The following PDGFC variants were observed in gnomAD, a reference collection of about 807,000 sequenced individuals.
PDGFC encodes platelet-derived growth factor C.
A neutral mutation model predicts 35.5 loss-of-function variants in PDGFC; 12 were observed. That is an observed-to-expected ratio of 0.34 (90% CI 0.22 to 0.55). The LOEUF is 0.55. PDGFC is among the 20% of genes least tolerant of loss of function. PDGFC has a pLI of 0.91. For synonymous variants in PDGFC, 159 were observed against 148.8 expected (o/e 1.07, Z -0.50); for missense variants, 322 against 412.4 (o/e 0.78, Z 1.90).
At chr4:156,803,742 T>A (rs189214034) in intron 3 of PDGFC, among the ~76,000 whole-genome samples, 1 of 152,262 alleles carries the variant, frequency 6.6e-6, no homozygotes, top group Admixed American at 6.5e-5. Context: ...AAATTAAAAT[T>A]AAATGTAAAA....
chr4:156,928,661 C>T (rs746623120), intron 1 of PDGFC, among the ~76,000 whole-genome samples: 5 of 152,166 alleles, frequency 3.3e-5, no homozygotes, highest in African/African-American at 4.8e-5. Flanking sequence ...CCAGAAATCC[C>T]TGAATTTAAA....
intron 1 of PDGFC, among the ~76,000 whole-genome samples, chr4:156,958,108 T>A (rs181763987): frequency 2.3e-4 from 35 of 152,124 alleles, no homozygotes; most frequent in Admixed American, 1.4e-3. Flanking sequence ...TATTCTCTAA[T>A]ATACCTAACT....
chr4:156,821,151 A>G (rs986174944), intron 2 of PDGFC, among the ~76,000 whole-genome samples: 1 of 151,022 alleles, frequency 6.6e-6, no homozygotes, highest in African/African-American at 2.5e-5. Flanking sequence ...AGACATCCCA[A>G]GGAATGTTGC....
At chr4:156,834,740 A>C (rs1253177173) in intron 2 of PDGFC, among the ~76,000 whole-genome samples, 6 of 152,162 alleles carry the variant, frequency 3.9e-5, no homozygotes, top group Non-Finnish European at 7.4e-5. Context: ...AACAGCTAAG[A>C]GGAATAACTG....
intron 1 of PDGFC, among the ~76,000 whole-genome samples, chr4:156,934,374 G>T (rs992458451): frequency 6.6e-6 from 1 of 152,098 alleles, no homozygotes; most frequent in African/African-American, 2.4e-5. Flanking sequence ...CAATATAAAA[G>T]ATTTAAAATG....
intron 1 of PDGFC, chr4:156,861,450 C>A: frequency 8.0e-7 from 1 of 1,256,292 alleles, no homozygotes; most frequent in Non-Finnish European, 1.0e-6. Flanking sequence ...TCTTTCTCCT[C>A]TTTTCTATGC....
At chr4:156,811,824 C>T (rs1206992706) in intron 2 of PDGFC, among the ~76,000 whole-genome samples, 1 of 152,022 alleles carries the variant, frequency 6.6e-6, no homozygotes, top group African/African-American at 2.4e-5. Flanking sequence ...TCTGTGGGAA[C>T]ATTTTAGGTT....
chr4:156,838,370 G>A (rs1191064700), intron 2 of PDGFC, among the ~76,000 whole-genome samples: 1 of 152,196 alleles, frequency 6.6e-6, no homozygotes, highest in African/African-American at 2.4e-5. Flanking sequence ...CCTAGTTCCT[G>A]CTATGGCAAT....
At chr4:156,909,896 T>C (rs1041850188) in intron 1 of PDGFC, among the ~76,000 whole-genome samples, 12 of 152,120 alleles carry the variant, frequency 7.9e-5, no homozygotes, top group Non-Finnish European at 1.3e-4. Flanking sequence ...TCTGGTGCCC[T>C]TGTAAGAGAA....
At chr4:156,790,883 T>G (rs966650181) in intron 3 of PDGFC, among the ~76,000 whole-genome samples, 3 of 152,216 alleles carry the variant, frequency 2.0e-5, no homozygotes, top group Admixed American at 6.5e-5. Flanking sequence ...ACTTGGATGT[T>G]TTTTATTACT....
chr4:156,860,381 G>A (rs923326744), intron 1 of PDGFC, among the ~76,000 whole-genome samples: 1 of 151,952 alleles, frequency 6.6e-6, no homozygotes, highest in African/African-American at 2.4e-5. Flanking sequence ...CACGACCTTC[G>A]AGCAAGTGAA....
rs115936715 is a variant in PDGFC at position 156,812,372 on chromosome 4, T to C, written c.315-1355A>G. Among the ~76,000 whole-genome samples, 327 of 152,198 alleles carry C rather than the reference T, an allele frequency of 2.1e-3. 2 individuals are homozygous for C. Among genetic ancestry groups the C allele is most frequent in the African/African-American group, 7.4e-3 (309 of 41,552 alleles). On this transcript the variant is annotated intron_variant, in intron 2 of 5. Transcript: ENST00000502773. ...AATATAAATTACTTTGCTATTTTAATAGATTTATATAACATGCAGACAATA... is the reference window on the plus strand; with the variant it reads ...AATATAAATTACTTTGCTATTTTAACAGATTTATATAACATGCAGACAATA...
intron 3 of PDGFC, among the ~76,000 whole-genome samples, chr4:156,801,363 A>G (rs1167589478): frequency 1.3e-5 from 2 of 152,138 alleles, no homozygotes; most frequent in African/African-American, 4.8e-5. Context: ...TATGTGCATT[A>G]AACTCTATCT....
intron 1 of PDGFC, among the ~76,000 whole-genome samples, chr4:156,915,247 C>G (rs1033624893): frequency 6.6e-6 from 1 of 152,246 alleles, no homozygotes; most frequent in South Asian, 2.1e-4. Context: ...AAATACAAAG[C>G]GTTAGGGTTT....
intron 1 of PDGFC, among the ~76,000 whole-genome samples, chr4:156,965,691 C>A (rs375622645): frequency 6.6e-5 from 10 of 152,136 alleles, no homozygotes; most frequent in Admixed American, 2.0e-4. Flanking sequence ...ACTCCCCCAG[C>A]CATAACCCTT....
chr4:156,862,250 G>A (rs888786035), intron 1 of PDGFC, among the ~76,000 whole-genome samples: 3 of 152,148 alleles, frequency 2.0e-5, no homozygotes, highest in African/African-American at 7.2e-5. Context: ...GCACAGAAGT[G>A]TTTGACAATT....
intron 3 of PDGFC, among the ~76,000 whole-genome samples, chr4:156,786,544 C>T (rs1245700340): frequency 6.6e-6 from 1 of 151,912 alleles, no homozygotes; most frequent in Non-Finnish European, 1.5e-5. Flanking sequence ...CAAGGAATGA[C>T]AAGGAGGGGA....
chr4:156,961,056 C>T (rs1418402472), intron 1 of PDGFC, among the ~76,000 whole-genome samples: 5 of 152,044 alleles, frequency 3.3e-5, no homozygotes, highest in Admixed American at 2.0e-4. Context: ...CTAATTTGTT[C>T]ACATCTTATA....
Position 156,810,890 on chromosome 4 carries a change from C to T in PDGFC, c.442G>A (p.Glu148Lys). ...NQIRIRFVSD[E>K]YFPSEPGFCI... ...AACCCTGGTTCAGAAGGAAAATATT[C>T]ATCAGATACAAATCTTATCCTAATT... The change falls in exon 3 of 6, where the codon GAA becomes AAA. Residue 148 changes from glutamate to lysine, a missense_variant. Coordinates refer to ENST00000502773, the MANE Select transcript of PDGFC (RefSeq NM_016205.3). 1 of 1,608,776 alleles carries T rather than the reference C, an allele frequency of 6.2e-7. No homozygotes were observed. Among genetic ancestry groups the T allele is most frequent in the Non-Finnish European group, 8.5e-7 (1 of 1,175,866 alleles).
Sources: allele counts gnomAD v4.1 joint callset (sites outside exome capture counted in the v4.1 genomes callset), GRCh38; gene constraint gnomAD v4.1.1; transcripts MANE v1.5; gene names NCBI Gene and HGNC (gene_info 2026-07-23, HGNC 2026-07-21).